The following PHACTR2 variants were observed in gnomAD, a reference collection of about 807,000 sequenced individuals.
PHACTR2 encodes the protein chromosome 6 open reading frame 56.
A neutral mutation model predicts 76.0 loss-of-function variants in PHACTR2; 30 were observed. That is an observed-to-expected ratio of 0.39 (90% CI 0.30 to 0.54). The LOEUF (loss-of-function observed/expected upper bound fraction) is 0.54. Among genes scored for constraint, PHACTR2 ranks in the 20% least tolerant of loss-of-function variants. The pLI is 0.61. For synonymous variants in PHACTR2, 292 were observed against 292.5 expected, an observed-to-expected ratio of 1.00 and a Z score of 0.02; for missense variants, 696 against 781.1, an observed-to-expected ratio of 0.89 and a Z score of 1.30.
chr6:143,815,507 A>G (rs905622198), intron 12 of PHACTR2, among the ~76,000 whole-genome samples: 1 of 152,218 alleles, frequency 6.6e-6, no homozygotes, highest in Admixed American at 6.5e-5. Flanking sequence ...GGAATGAATT[A>G]TTTAGGAGTT....
At position 143,598,985 on chromosome 6, in the gene PHACTR2, T is replaced by C. The variant is rs1266852888; in HGVS notation, c.217+61778T>C. Among the ~76,000 whole-genome samples, 1 of 152,206 alleles carries C rather than the reference T, an allele frequency of 6.6e-6. No homozygotes were observed. The highest frequency in any genetic ancestry group is 1.5e-5 in the Non-Finnish European group (1 of 68,026). ...TTAAATTTAGATAGCATCTCACCCC[T>C]GACTCTTTTAGAACAATGATGGCAG... is the stretch of plus-strand genomic sequence containing the variant. On this transcript the variant is annotated intron_variant, in intron 1 of 11. Transcript: ENST00000367584. The surrounding 1 kb of genome is among the most constrained non-coding windows in gnomAD (Gnocchi z 4.1).
chr6:143,785,881 G>A (rs1775545740), intron 10 of PHACTR2, among the ~76,000 whole-genome samples: 1 of 152,194 alleles, frequency 6.6e-6, no homozygotes, highest in South Asian at 2.1e-4. Context: ...ACAGCACAGG[G>A]ACCCTGGGCC....
intron 1 of PHACTR2, among the ~76,000 whole-genome samples, chr6:143,661,676 C>T (rs749865359): frequency 5.9e-5 from 9 of 151,834 alleles, no homozygotes; most frequent in Non-Finnish European, 1.2e-4. Context: ...GCTACTCAAC[C>T]TCCCAAGTAG....
chr6:143,772,418 G>A lies in PHACTR2; in HGVS notation c.1393G>A (p.Asp465Asn). 6.2e-7 allele frequency: 1 copy of A among 1,614,138 alleles called. No individual in the cohort carries two copies. The highest frequency in any genetic ancestry group is 8.5e-7 in the Non-Finnish European group (1 of 1,180,010). ...GGACGGGCCTATCTTGTACACCGAT[G>A]ATGAGGACGAAGACGAAGATGAGGA... ...DSDGPILYTD[D>N]EDEDEDEDGS... The change falls in exon 7 of 13, where the codon GAT becomes AAT. Residue 465 changes from aspartate to asparagine, a missense_variant. Asp to Asn is a conservative substitution (Grantham distance 23). Coordinates refer to ENST00000440869, the MANE Select transcript of PHACTR2 (RefSeq NM_001100164.2). The surrounding 1 kb of genome is among the most constrained non-coding windows in gnomAD (Gnocchi z 5.4).
In PHACTR2 at chr6:143,816,554, A is replaced by C. The variant is rs1471188482; in HGVS notation, c.1923-7120A>C. On this transcript the variant is annotated intron_variant, in intron 12 of 12. Coordinates refer to ENST00000440869, the MANE Select transcript of PHACTR2 (RefSeq NM_001100164.2). The surrounding 1 kb of genome is among the most constrained non-coding windows in gnomAD (Gnocchi z 4.5). ...GCTTTGTGAGCATATTATTGCACGC[A>C]CGGTATCAATTGGTCACCTTCTTTT... Among the ~76,000 whole-genome samples the C allele has an allele frequency of 2.0e-5, 3 of 151,990 alleles. No homozygotes were observed. Among genetic ancestry groups the C allele is most frequent in the Non-Finnish European group, 4.4e-5 (3 of 68,010 alleles).
At chr6:143,723,639 G>C (rs1469929775) in intron 2 of PHACTR2, among the ~76,000 whole-genome samples, 1 of 152,164 alleles carries the variant, frequency 6.6e-6, no homozygotes, top group Non-Finnish European at 1.5e-5. Flanking sequence ...TGCTATTCCA[G>C]GGAAGAAATA....
Position 143,624,092 on chromosome 6 carries a change from T to G in PHACTR2, c.13+15770T>G, listed in dbSNP as rs1159924596. Among the ~76,000 whole-genome samples, 1 of 151,050 alleles carries G rather than the reference T, an allele frequency of 6.6e-6. No individual in the cohort carries two copies. Among genetic ancestry groups the G allele is most frequent in the African/African-American group, 2.4e-5 (1 of 41,146 alleles). On this transcript the variant is annotated intron_variant, in intron 1 of 11. Transcript: ENST00000305766. The surrounding 1 kb of genome is among the most constrained non-coding windows in gnomAD (Gnocchi z 4.6). ...AACTAGCTCTGAAATCTTGTTAATT[T>G]TTTTTGTTGTTTTTTTTGTTTGTTT...
upstream of PHACTR2, among the ~76,000 whole-genome samples, chr6:143,676,943 G>C (rs938199459): frequency 6.6e-6 from 1 of 151,330 alleles, no homozygotes. The surrounding 1 kb of genome is among the most constrained non-coding windows in gnomAD (Gnocchi z 4.8). Flanking sequence ...GGCTCTGCAC[G>C]ATCTTAATAA....
At position 143,589,302 on chromosome 6, in the gene PHACTR2, A is replaced by T. The variant is rs546334835; in HGVS notation, c.217+52095A>T. Among the ~76,000 whole-genome samples the T allele has an allele frequency of 6.6e-6, 1 of 152,258 alleles. No homozygotes were observed. The highest frequency in any genetic ancestry group is 1.9e-4 in the East Asian group (1 of 5,172). On this transcript the variant is annotated intron_variant, in intron 1 of 11. Coordinates refer to the PHACTR2 transcript ENST00000367584. The surrounding 1 kb of genome is among the most constrained non-coding windows in gnomAD (Gnocchi z 4.4). ...GGTGGATTTCCCCCTTGCTGTTGTCATGATAGTGAATGACTTCTCACGATA... is the reference window on the plus strand; with the variant it reads ...GGTGGATTTCCCCCTTGCTGTTGTCTTGATAGTGAATGACTTCTCACGATA...
intron 1 of PHACTR2, among the ~76,000 whole-genome samples, chr6:143,665,758 C>A (rs1289949292): frequency 1.3e-5 from 2 of 152,208 alleles, no homozygotes; most frequent in Admixed American, 1.3e-4. Flanking sequence ...CTCCTCTGTT[C>A]TCTACTCAGA....
At chr6:143,552,478 A>T (rs1444778995) in intron 1 of PHACTR2, among the ~76,000 whole-genome samples, 3 of 152,208 alleles carry the variant, frequency 2.0e-5, no homozygotes, top group Admixed American at 6.5e-5. Flanking sequence ...CAACAAGAAA[A>T]GTTCCTGTGA....
rs533138183 is a variant in PHACTR2 at position 143,780,536 on chromosome 6, C to T, written c.1646-2683C>T. ...CCACAAAAAAATTTGGCTTTTTGAA[C>T]CCATTTTATCTGAATTAACAACTCA... On this transcript the variant is annotated intron_variant, in intron 9 of 12. Coordinates refer to ENST00000440869, the MANE Select transcript of PHACTR2 (RefSeq NM_001100164.2). This position sits in a 1 kb window ranked among gnomAD's most constrained non-coding sequence, Gnocchi z 4.4. Among the ~76,000 whole-genome samples, 1 of 152,178 alleles carries T rather than the reference C, an allele frequency of 6.6e-6. No individual in the cohort carries two copies. Among genetic ancestry groups the T allele is most frequent in the South Asian group, 2.1e-4 (1 of 4,832 alleles).
At position 143,689,818 on chromosome 6, in the gene PHACTR2, G is replaced by A. The variant is rs557187365; in HGVS notation, c.46+11609G>A. ...AGTGATTCTCCTGCCTCAGCCTCCC[G>A]ATTAGCTGGGATTACAGGCACCTGC... On this transcript the variant is annotated intron_variant, in intron 1 of 12. Coordinates refer to ENST00000440869, the MANE Select transcript of PHACTR2 (RefSeq NM_001100164.2). This position sits in a 1 kb window ranked among gnomAD's most constrained non-coding sequence, Gnocchi z 4.4. Among the ~76,000 whole-genome samples the A allele has an allele frequency of 2.6e-4, 39 of 151,034 alleles. No individual in the cohort carries two copies. The highest frequency in any genetic ancestry group is 8.5e-4 in the African/African-American group (35 of 41,186).
intron 1 of PHACTR2, among the ~76,000 whole-genome samples, chr6:143,687,492 A>AT (rs1258021807): frequency 2.1e-4 from 32 of 152,336 alleles, no homozygotes; most frequent in Middle Eastern, 3.4e-3. Context: ...CAAAAGTGAT[A>AT]TTAAGGATAG....
At position 143,700,414 on chromosome 6, in the gene PHACTR2, G is replaced by C. The variant is rs374020065; in HGVS notation, c.47-11602G>C. Among the ~76,000 whole-genome samples the C allele has an allele frequency of 2.0e-5, 3 of 152,080 alleles. No homozygotes were observed. Among genetic ancestry groups the C allele is most frequent in the Non-Finnish European group, 2.9e-5 (2 of 68,014 alleles). On this transcript the variant is annotated intron_variant, in intron 1 of 12. Transcript: ENST00000440869. This position sits in a 1 kb window ranked among gnomAD's most constrained non-coding sequence, Gnocchi z 4.1. ...TACTAAAAATACAGAAATTAGCAAGGCATGGTGGCATGCACCTGTAATCCC... is the reference window on the plus strand; with the variant it reads ...TACTAAAAATACAGAAATTAGCAAGCCATGGTGGCATGCACCTGTAATCCC...
chr6:143,692,979 T>C (rs1777680880), intron 1 of PHACTR2, among the ~76,000 whole-genome samples: 1 of 152,192 alleles, frequency 6.6e-6, no homozygotes, highest in Admixed American at 6.5e-5. Context: ...CTTTAACTTG[T>C]AGATGTCTGC....
At chr6:143,745,889 C>T (rs1401391672) in intron 2 of PHACTR2, among the ~76,000 whole-genome samples, 1 of 152,218 alleles carries the variant, frequency 6.6e-6, no homozygotes, top group Non-Finnish European at 1.5e-5. Flanking sequence ...GAAGCCAAGG[C>T]TGCTGCTTCA....
Position 143,809,114 on chromosome 6 carries a change from T to C in PHACTR2, c.1922+1981T>C, listed in dbSNP as rs994167407. On this transcript the variant is annotated intron_variant, in intron 12 of 12. Coordinates refer to ENST00000440869, the MANE Select transcript of PHACTR2 (RefSeq NM_001100164.2). The surrounding 1 kb of genome is among the most constrained non-coding windows in gnomAD (Gnocchi z 4.2). ...GGGATAGTTTTGCTTCTGCATAGTT[T>C]TCCTAGAAGTTGGAGTATCTGATAG... Among the ~76,000 whole-genome samples, 1 of 152,220 alleles carries C rather than the reference T, an allele frequency of 6.6e-6. No homozygotes were observed. The highest frequency in any genetic ancestry group is 1.5e-5 in the Non-Finnish European group (1 of 68,028).
At chr6:143,674,661 T>C (rs991831550), upstream of PHACTR2, among the ~76,000 whole-genome samples, 2 of 152,142 alleles carry the variant, frequency 1.3e-5, no homozygotes, top group Admixed American at 6.5e-5. This position sits in a 1 kb window ranked among gnomAD's most constrained non-coding sequence, Gnocchi z 4.9. Flanking sequence ...ATCTGGTGTC[T>C]CAAAATGAAT....
Sources: allele counts gnomAD v4.1 joint callset (sites outside exome capture counted in the v4.1 genomes callset), GRCh38; gene constraint gnomAD v4.1.1; non-coding constraint Gnocchi (gnomAD v3.1); transcripts MANE v1.5; gene names NCBI Gene and HGNC (gene_info 2026-07-23, HGNC 2026-07-21).